Variants in ZDHHC17 observed in about 807,000 individuals in gnomAD.
The protein encoded by ZDHHC17 is palmitoyltransferase ZDHHC17.
In ZDHHC17, 40 loss-of-function variants were observed where a neutral mutation model predicts 90.3. The observed-to-expected ratio is 0.44, with a 90% CI of 0.34 to 0.58. The LOEUF (loss-of-function observed/expected upper bound fraction) is 0.58, where lower values mean the gene tolerates loss of function less well. Ranked by LOEUF, ZDHHC17 falls within the 20% of genes least tolerant of loss-of-function variation. The pLI is 0.01. For synonymous variants in ZDHHC17, 235 were observed against 252.4 expected (o/e 0.93, Z 0.65); for missense variants, 614 against 780.8 (o/e 0.79, Z 2.55).
At chr12:76,850,734 C>A in intron 16 of ZDHHC17, 113 bp from the exon 17 acceptor site, 2 of 1,341,708 alleles carry the variant, frequency 1.5e-6, no homozygotes, top group Non-Finnish European at 2.0e-6. Flanking sequence ...TTGCAAGTAA[C>A]CTGAGTTTTT....
At chr12:76,798,896 C>T (rs1487275714) in intron 2 of ZDHHC17, among the ~76,000 whole-genome samples, 1 of 152,136 alleles carries the variant, frequency 6.6e-6, no homozygotes, top group East Asian at 1.9e-4. Context: ...AAGGATCCAC[C>T]CCCTTGATCC....
In ZDHHC17 at chr12:76,852,915, T is replaced by A. The variant is rs977781544; in HGVS notation, c.*1930T>A. The stretch of plus-strand genomic sequence containing the variant: ...GGGGAAATTTTAGATAATTTTTAAA[T>A]TCAAAGTTATTTATAAAATGCTAGA... On this transcript the variant is annotated 3_prime_UTR_variant, in exon 17 of 17. Transcript: ENST00000426126. 1 of 152,646 alleles carries A rather than the reference T, an allele frequency of 6.6e-6. No homozygotes were observed. Among genetic ancestry groups the A allele is most frequent in the Non-Finnish European group, 1.5e-5 (1 of 68,026 alleles). 9.5% of individuals were successfully genotyped at this position (152,646 alleles called of 1,614,324 possible).
intron 1 of ZDHHC17, among the ~76,000 whole-genome samples, chr12:76,781,994 T>TAGCTGATAA (rs537134796): frequency 6.6e-6 from 1 of 152,222 alleles, no homozygotes; most frequent in Non-Finnish European, 1.5e-5. Flanking sequence ...CTAAGGATAG[T>TAGCTGATAA]AGCTGATAAA....
In ZDHHC17 at chr12:76,852,840, G is replaced by A. The variant is rs540963251; in HGVS notation, c.*1855G>A. On this transcript the variant is annotated 3_prime_UTR_variant, in exon 17 of 17. Transcript: ENST00000426126. ...GCATTGTGCCATTTTGTCATAGAAT[G>A]TAAAAATTGGTTAACTTTACAAATG... 17 of 152,670 alleles carry A rather than the reference G, an allele frequency of 1.1e-4. No individual in the cohort carries two copies. Among genetic ancestry groups the A allele is most frequent in the African/African-American group, 4.1e-4 (17 of 41,552 alleles). The allele number at this position is 152,670 out of a possible 1,614,324, so 9.5% of individuals were successfully genotyped here.
intron 1 of ZDHHC17, among the ~76,000 whole-genome samples, chr12:76,786,521 G>T (rs1396201953): frequency 6.6e-6 from 1 of 152,116 alleles, no homozygotes; most frequent in Non-Finnish European, 1.5e-5. Context: ...CTCCCAAAGT[G>T]CTGGGATTAC....
At chr12:76,810,490 A>C (rs546840646) in intron 5 of ZDHHC17, among the ~76,000 whole-genome samples, 2 of 152,208 alleles carry the variant, frequency 1.3e-5, no homozygotes, top group Admixed American at 6.5e-5. Context: ...GGATCTCATC[A>C]CAAGAATAAC....
intron 10 of ZDHHC17, among the ~76,000 whole-genome samples, chr12:76,831,332 G>T (rs1395103677): frequency 6.6e-6 from 1 of 151,786 alleles, no homozygotes; most frequent in Admixed American, 6.6e-5. Context: ...GTCTGTTTTT[G>T]TGTTGGGTTT....
At chr12:76,791,904 A>G (rs375719323) in intron 1 of ZDHHC17, among the ~76,000 whole-genome samples, 3 of 152,198 alleles carry the variant, frequency 2.0e-5, no homozygotes, top group East Asian at 1.9e-4. Flanking sequence ...CAACTCAGGA[A>G]CAGCCAGATG....
intron 10 of ZDHHC17, among the ~76,000 whole-genome samples, chr12:76,838,709 C>G (rs1468809476): frequency 6.6e-6 from 1 of 152,168 alleles, no homozygotes; most frequent in Non-Finnish European, 1.5e-5. Context: ...TTATTAATGA[C>G]AAGCCTTGGT....
intron 1 of ZDHHC17, among the ~76,000 whole-genome samples, chr12:76,792,984 T>A (rs1384993930): frequency 1.3e-5 from 2 of 152,178 alleles, no homozygotes; most frequent in Non-Finnish European, 2.9e-5. Context: ...TTTTACTGGA[T>A]CATGATCAAA....
intron 2 of ZDHHC17, among the ~76,000 whole-genome samples, chr12:76,804,785 G>A (rs1952936054): frequency 6.6e-6 from 1 of 152,162 alleles, no homozygotes; most frequent in African/African-American, 2.4e-5. Flanking sequence ...CCCTGGGTGT[G>A]TCTGCCTACC....
chr12:76,787,914 A>G (rs946920143), intron 1 of ZDHHC17, among the ~76,000 whole-genome samples: 1 of 152,136 alleles, frequency 6.6e-6, no homozygotes, highest in African/African-American at 2.4e-5. Context: ...TAACAACCCT[A>G]AATTTCAGTG....
At chr12:76,809,565 A>T (rs1426476475) in intron 4 of ZDHHC17, 148 bp from the exon 5 acceptor site, 7 of 583,826 alleles carry the variant, frequency 1.2e-5, no homozygotes, top group Non-Finnish European at 1.8e-5. Flanking sequence ...TAAAATCCTA[A>T]ATGTATTTTG....
rs551397078 is a variant in ZDHHC17, at chr12:76,772,470, C to T, written c.93+8141C>T. 1.4e-4 allele frequency among the ~76,000 whole-genome samples: 21 copies of T among 152,112 alleles called. No homozygotes were observed. In the South Asian group the frequency reaches 3.7e-3, roughly 27 times the overall value. ...ACCTACATTGATGCATCATTATCAC[C>T]CAAAGGCCATAGTTTACATTAGGGC... On this transcript the variant is annotated intron_variant, in intron 1 of 16. Coordinates refer to ENST00000426126, the MANE Select transcript of ZDHHC17 (RefSeq NM_015336.4).
chr12:76,795,815 A>G lies in ZDHHC17; in HGVS notation c.94-1619A>G, dbSNP rs1005426226. ...TCTATTTTAATGGAGTTTGAGAACA[A>G]CCTCTTAAAAAATCATTTAGTGAAC... On this transcript the variant is annotated intron_variant, in intron 1 of 16. Coordinates refer to ENST00000426126, the MANE Select transcript of ZDHHC17 (RefSeq NM_015336.4). Among the ~76,000 whole-genome samples the G allele has an allele frequency of 2.0e-5, 3 of 152,118 alleles. No individual in the cohort carries two copies. The South Asian group carries it at 6.2e-4, about 32-fold the overall frequency.
In ZDHHC17 at chr12:76,848,261, C is replaced by G. The variant is rs11115757; in HGVS notation, c.1536C>G (p.Tyr512Ter). The G allele has an allele frequency of 6.2e-7, 1 of 1,613,902 alleles. No individual in the cohort carries two copies. Among genetic ancestry groups the G allele is most frequent in the Admixed American group, 1.7e-5 (1 of 60,024 alleles). Residue 512 changes from tyrosine (Y) to a stop codon, truncating the protein, a stop_gained, in exon 15 of 17, where the codon TAC becomes TAG. Transcript: ENST00000426126. LOFTEE classifies it high-confidence loss of function. ...GGGGACTCCACTGTGAGACCACTTA[C>G]ACCAAGGATGGATTTTGGACATACA... is the stretch of plus-strand genomic sequence containing the variant. ...SYWGLHCETT[Y>*]TKDGFWTYIT...
At chr12:76,793,083 A>G (rs2137739833) in intron 1 of ZDHHC17, among the ~76,000 whole-genome samples, 1 of 152,368 alleles carries the variant, frequency 6.6e-6, no homozygotes, top group Non-Finnish European at 1.5e-5. Context: ...CATGCTCTGA[A>G]GCTGAGCTTG....
intron 1 of ZDHHC17, among the ~76,000 whole-genome samples, chr12:76,793,962 T>C (rs1180419115): frequency 6.6e-6 from 1 of 152,120 alleles, no homozygotes; most frequent in East Asian, 1.9e-4. Context: ...CGTGGCTCAC[T>C]GCAAGCTCCA....
chr12:76,811,841 A>G (rs1000093271), intron 5 of ZDHHC17, among the ~76,000 whole-genome samples: 1 of 152,162 alleles, frequency 6.6e-6, no homozygotes, highest in Admixed American at 6.5e-5. Flanking sequence ...ATGCTGCGAA[A>G]TCCAAAACGT....
Sources: allele counts gnomAD v4.1 joint callset (sites outside exome capture counted in the v4.1 genomes callset), GRCh38; gene constraint gnomAD v4.1.1; transcripts MANE v1.5; gene names NCBI Gene and HGNC (gene_info 2026-07-23, HGNC 2026-07-21).